Variants in GSDME observed in about 807,000 individuals in gnomAD.
The protein encoded by GSDME is gasdermin E, also known as gasdermin-E.
GSDME carries 44 observed loss-of-function variants against 47.5 expected under a neutral mutation model. The observed-to-expected ratio is 0.93, with a 90% CI of 0.73 to 1.19. The LOEUF is 1.19. Among genes scored for constraint, GSDME ranks in the 50% most tolerant of loss-of-function variants. The pLI, the probability that GSDME is intolerant of heterozygous loss-of-function variation, is 0.00. For missense variants in GSDME, 663 were observed against 604.2 expected, an observed-to-expected ratio of 1.10 and a Z score of -1.02; for synonymous variants, 258 against 252.8, an observed-to-expected ratio of 1.02 and a Z score of -0.20.
chr7:24,757,552 G>A (rs1791082271), upstream of GSDME: 2 of 151,716 alleles, frequency 1.3e-5, no homozygotes, highest in Admixed American at 6.6e-5. The surrounding 1 kb of genome is among the most constrained non-coding windows in gnomAD (Gnocchi z 5.9). Context: ...CCAGAGCCGC[G>A]GGACTGGCCG....
chr7:24,715,575 T>C (rs1241255850), intron 5 of GSDME: 4 of 456,254 alleles, frequency 8.8e-6, no homozygotes, highest in South Asian at 6.5e-5. Context: ...ATAGGGGGGC[T>C]AGAAACCCAA....
Position 24,716,806 on chromosome 7 carries a change from ATC to A in GSDME, c.697+446_697+447del, listed in dbSNP as rs1479765022. The A allele has an allele frequency of 4.2e-6, 1 of 239,024 alleles. No individual in the cohort carries two copies. Among genetic ancestry groups the A allele is most frequent in the Non-Finnish European group, 8.4e-6 (1 of 119,570 alleles). The allele number at this position is 239,024 out of a possible 1,614,324, so 14.8% of individuals were successfully genotyped here. A position where few individuals can be genotyped will look rare whatever the true frequency, so the allele number is the denominator to read the frequency against. On this transcript the variant is annotated intron_variant, in intron 5 of 9. Transcript: ENST00000645220. This position sits in a 1 kb window ranked among gnomAD's most constrained non-coding sequence, Gnocchi z 4.5. ...CTGTGCCAGGCGCTTCATAGGCCTC[ATC>A]TCATTAAATCTTCACACAGCCCTGT...
At chr7:24,709,520 A>C (rs1789260778) in intron 6 of GSDME, among the ~76,000 whole-genome samples, 1 of 152,224 alleles carries the variant, frequency 6.6e-6, no homozygotes, top group Non-Finnish European at 1.5e-5. Context: ...TGTAGTCACC[A>C]GGGCTTCTGT....
intron 6 of GSDME, 91 bp downstream of exon 6, chr7:24,710,133 G>A: frequency 7.5e-7 from 1 of 1,341,162 alleles, no homozygotes; most frequent in Non-Finnish European, 1.1e-6. Flanking sequence ...AGTCACTGAG[G>A]GGTCACTGAT....
Position 24,699,030 on chromosome 7 carries a change from G to A in GSDME, c.1487C>T (p.Ser496Leu), listed in dbSNP as rs559632895. ...NGLCALGREH[S>L] ...ACTTCTAGTTCACATATGACATCAT[G>A]AATGTTCTCTGCCTAAAGCACAGAG... Residue 496 changes from serine to leucine, a missense_variant, in exon 10 of 10, where the codon TCA becomes TTA. By Grantham distance (145) the Ser-to-Leu change is moderately radical. Transcript: ENST00000645220. The A allele has an allele frequency of 6.2e-7, 1 of 1,608,600 alleles. No individual in the cohort carries two copies. Among genetic ancestry groups the A allele is most frequent in the Non-Finnish European group, 8.5e-7 (1 of 1,175,158 alleles).
At chr7:24,765,583 C>A in the GSDME span, among the ~76,000 whole-genome samples, 7 of 152,208 alleles carry the variant, frequency 4.6e-5, no homozygotes, top group Non-Finnish European at 8.8e-5. Context: ...CTTTTCTGTA[C>A]GTCACTGCCC....
At chr7:24,711,377 A>C (rs1789346104) in intron 5 of GSDME, among the ~76,000 whole-genome samples, 1 of 152,086 alleles carries the variant, frequency 6.6e-6, no homozygotes, top group Non-Finnish European at 1.5e-5. Flanking sequence ...GGCACCTGCC[A>C]CCACACCTGG....
Position 24,724,850 on chromosome 7 carries a change from C to T in GSDME, c.405-5632G>A, listed in dbSNP as rs1237275678. 1 of 152,294 alleles carries T rather than the reference C, an allele frequency of 6.6e-6. No individual in the cohort carries two copies. The highest frequency in any genetic ancestry group is 1.5e-5 in the Non-Finnish European group (1 of 68,094). 9.4% of individuals were successfully genotyped at this position (152,294 alleles called of 1,614,324 possible). ...GTCTGGGTCACGGGGGTGGATCCCT[C>T]ATGAAAGGCTTGGTGCCCGCCTTGC... On this transcript the variant is annotated intron_variant, in intron 3 of 9. Coordinates refer to ENST00000645220, the MANE Select transcript of GSDME (RefSeq NM_001127453.2). The surrounding 1 kb of genome is among the most constrained non-coding windows in gnomAD (Gnocchi z 4.8).
intron 9 of GSDME, 55 bp from the exon 10 acceptor site, chr7:24,699,314 T>C: frequency 3.0e-6 from 4 of 1,335,838 alleles, no homozygotes; most frequent in African/African-American, 2.9e-5. Flanking sequence ...AAAATCCACA[T>C]TGGATAGTAA....
At chr7:24,746,680 G>A (rs750282109) in intron 2 of GSDME, among the ~76,000 whole-genome samples, 1 of 152,188 alleles carries the variant, frequency 6.6e-6, no homozygotes, top group African/African-American at 2.4e-5. Context: ...GAACAGTCAA[G>A]ATTTGTCTGT....
the GSDME span, among the ~76,000 whole-genome samples, chr7:24,789,675 A>G: frequency 1.3e-5 from 2 of 152,156 alleles, no homozygotes; most frequent in Non-Finnish European, 2.9e-5. Flanking sequence ...TCTGCCTTTT[A>G]GTTTTTGCTG....
chr7:24,699,192 G>GTATC lies in GSDME; in HGVS notation c.1321_1324dup (p.Thr442ArgfsTer16). ...GCGCTGCACAATCCCAAACCTTTCT[G>GTATC]TATCTTTCAGGGGAGTCAAGGTTGG... On this transcript the variant is annotated frameshift_variant, in exon 10 of 10. Coordinates refer to ENST00000645220, the MANE Select transcript of GSDME (RefSeq NM_001127453.2). LOFTEE classifies it low-confidence loss of function (END_TRUNC). 2 of 1,614,152 alleles carry GTATC rather than the reference G, an allele frequency of 1.2e-6. No homozygotes were observed. The highest frequency in any genetic ancestry group is 1.3e-5 in the African/African-American group (1 of 75,016).
At position 24,728,004 on chromosome 7, in the gene GSDME, C is replaced by T. The variant is rs1042983388; in HGVS notation, c.405-8786G>A. ...ACTAGCTGCCGTCCCCAGCACTGTT[C>T]GGGAGCTAGGGGGGCTGTAACGGGA... On this transcript the variant is annotated intron_variant, in intron 3 of 9. Transcript: ENST00000645220. The surrounding 1 kb of genome is among the most constrained non-coding windows in gnomAD (Gnocchi z 7.2). Among the ~76,000 whole-genome samples, 2 of 152,266 alleles carry T rather than the reference C, an allele frequency of 1.3e-5. No homozygotes were observed. The highest frequency in any genetic ancestry group is 1.9e-4 in the East Asian group (1 of 5,190).
Position 24,706,391 on chromosome 7 carries a change from A to C in GSDME, c.991-15T>G. The C allele has an allele frequency of 6.2e-7, 1 of 1,610,622 alleles. No homozygotes were observed. The highest frequency in any genetic ancestry group is 8.5e-7 in the Non-Finnish European group (1 of 1,179,160). On this transcript the variant is annotated splice_polypyrimidine_tract_variant and intron_variant, in intron 7 of 9. Transcript: ENST00000645220. The stretch of plus-strand genomic sequence containing the variant: ...AGGTCATCGCACTGTAGGGCAGGGA[A>C]GAAGAAGGGTCATGACACAGCTGGA...
rs2128056761 is a variant in GSDME, at chr7:24,726,864, G to GA, written c.405-7647dup. ...AAGAGTTTCCAATGGAAACCCTGGG[G>GA]AGCCTGGTAAGGCTCTCCAAACCCC... On this transcript the variant is annotated intron_variant, in intron 3 of 9. Coordinates refer to ENST00000645220, the MANE Select transcript of GSDME (RefSeq NM_001127453.2). This position sits in a 1 kb window ranked among gnomAD's most constrained non-coding sequence, Gnocchi z 5.6. Among the ~76,000 whole-genome samples the GA allele has an allele frequency of 6.6e-6, 1 of 151,760 alleles. No homozygotes were observed. The highest frequency in any genetic ancestry group is 2.1e-4 in the South Asian group (1 of 4,774).
In GSDME at chr7:24,741,441, C is replaced by T. The variant is rs578138648; in HGVS notation, c.404+3121G>A. 1.3e-4 allele frequency among the ~76,000 whole-genome samples: 20 copies of T among 152,078 alleles called. 1 individual carries two copies. The South Asian group carries it at 4.2e-3, about 32-fold the overall frequency. ...TAGTTTCCATCAAGAATGCTAAGAT[C>T]TGCACAGAGACTGCATTCAAAGGGG... On this transcript the variant is annotated intron_variant, in intron 3 of 9. Transcript: ENST00000645220.
chr7:24,710,614 G>C lies in GSDME; in HGVS notation c.698-226C>G, dbSNP rs137903468. On this transcript the variant is annotated intron_variant, in intron 5 of 9. Coordinates refer to ENST00000645220, the MANE Select transcript of GSDME (RefSeq NM_001127453.2). ...AAGGAAATGGCTGTTCTTACATAAA[G>C]CTCCCTAATATATATTCTCTGAACA... The C allele has an allele frequency of 2.3e-3, 1,326 of 564,570 alleles. 1 individual carries two copies. Among genetic ancestry groups the C allele is most frequent in the Non-Finnish European group, 3.1e-3 (965 of 315,374 alleles). 35.0% of individuals were successfully genotyped at this position (564,570 alleles called of 1,614,324 possible). A position where few individuals can be genotyped will look rare whatever the true frequency, so the allele number is the denominator to read the frequency against.
intron 8 of GSDME, chr7:24,703,187 A>G: frequency 2.8e-6 from 1 of 351,286 alleles, no homozygotes; most frequent in Admixed American, 3.8e-5. Context: ...GACCCTCCAC[A>G]CATTCAGGCT....
At chr7:24,774,504 C>CT in the GSDME span, among the ~76,000 whole-genome samples, 1 of 151,580 alleles carries the variant, frequency 6.6e-6, no homozygotes, top group Admixed American at 6.6e-5. Flanking sequence ...CAACTCCTTC[C>CT]TTTTTTAAAA....
Sources: allele counts gnomAD v4.1 joint callset (sites outside exome capture counted in the v4.1 genomes callset), GRCh38; gene constraint gnomAD v4.1.1; non-coding constraint Gnocchi (gnomAD v3.1); transcripts MANE v1.5; gene names NCBI Gene and HGNC (gene_info 2026-07-23, HGNC 2026-07-21).